Variants in DOCK1 observed in about 807,000 individuals in gnomAD.
DOCK1 encodes the protein dedicator of cytokinesis 1.
Under a neutral mutation model 262.7 loss-of-function variants are expected in DOCK1, and 138 were observed. That is an observed-to-expected ratio of 0.53 (90% CI 0.46 to 0.61). The LOEUF is 0.61. DOCK1 is among the 20% of genes least tolerant of loss of function. The pLI is 0.00. For synonymous variants in DOCK1, 866 were observed against 867.4 expected (o/e 1.00, Z 0.03); for missense variants, 1,908 against 2,370.7 (o/e 0.80, Z 4.05).
Position 127,403,223 on chromosome 10 carries a change from A to G in DOCK1, c.4017+79A>G, listed in dbSNP as rs191031663. The G allele has an allele frequency of 2.2e-5, 32 of 1,436,812 alleles. No homozygotes were observed. The African/African-American group carries it at 3.8e-4, about 17-fold the overall frequency. 89.0% of individuals were successfully genotyped at this position (1,436,812 alleles called of 1,614,324 possible). A position where few individuals can be genotyped will look rare whatever the true frequency, so the allele number is the denominator to read the frequency against. On this transcript the variant is annotated intron_variant, in intron 39 of 51. Coordinates refer to ENST00000623213, the MANE Select transcript of DOCK1 (RefSeq NM_001290223.2). ...TTCAGGAATCTCTCTTTCCATGTCA[A>G]TGTTAGGGTTCACCCCAGGCACTCT...
chr10:127,097,663 A>C (rs2047993671), intron 23 of DOCK1, among the ~76,000 whole-genome samples: 2 of 152,238 alleles, frequency 1.3e-5, no homozygotes, highest in South Asian at 4.1e-4. Flanking sequence ...AAGCTTTACC[A>C]AGTTGATAGA....
chr10:127,079,891 A>G (rs767384543), intron 23 of DOCK1, among the ~76,000 whole-genome samples: 9 of 152,210 alleles, frequency 5.9e-5, no homozygotes, highest in Non-Finnish European at 1.2e-4. Context: ...ACATTGCGCC[A>G]CTGCACTCCA....
At chr10:127,366,484 C>G (rs1212855767) in intron 33 of DOCK1, among the ~76,000 whole-genome samples, 1 of 152,144 alleles carries the variant, frequency 6.6e-6, no homozygotes, top group East Asian at 1.9e-4. Flanking sequence ...CATCAGTCCT[C>G]CCTCTGTCTC....
intron 27 of DOCK1, among the ~76,000 whole-genome samples, chr10:127,236,776 T>C (rs1425598728): frequency 1.3e-5 from 2 of 152,086 alleles, no homozygotes; most frequent in East Asian, 3.9e-4. Flanking sequence ...TGTTTTATTC[T>C]TCATCACCAT....
intron 29 of DOCK1, among the ~76,000 whole-genome samples, chr10:127,324,634 T>C (rs1025080799): frequency 2.6e-5 from 4 of 152,172 alleles, no homozygotes; most frequent in African/African-American, 9.7e-5. Flanking sequence ...TAAAAGATAC[T>C]GTGAGTTGGT....
rs2063704877 is a variant in DOCK1 at position 127,347,832 on chromosome 10, G to GCCTTCCCTTCCCTTCCATTCCCTTC, written c.3224+4102_3224+4103insATTCCCTTCCCTTCCCTTCCCTTCC. 8.7e-5 allele frequency among the ~76,000 whole-genome samples: 5 copies of GCCTTCCCTTCCCTTCCATTCCCTTC among 57,524 alleles called. 1 individual carries two copies. The highest frequency in any genetic ancestry group is 5.0e-4 in the African/African-American group (5 of 9,936). The allele number at this position is 57,524 out of a possible 152,430, so 37.7% of individuals were successfully genotyped here. On this transcript the variant is annotated intron_variant, in intron 31 of 51. Transcript: ENST00000623213. ...CTGAGGGAGCATCCCCAACCCCTCA[G>GCCTTCCCTTCCCTTCCATTCCCTTC]CCTTCCCTTCCCTTCCCTTCCCTTC...
chr10:127,049,396 C>T (rs542631885), intron 21 of DOCK1, among the ~76,000 whole-genome samples: 3 of 152,092 alleles, frequency 2.0e-5, no homozygotes, highest in Non-Finnish European at 2.9e-5. Context: ...TGGTGGGCAC[C>T]TGTAATCCCA....
intron 32 of DOCK1, among the ~76,000 whole-genome samples, chr10:127,361,528 G>A (rs1290028996): frequency 6.6e-6 from 1 of 152,142 alleles, no homozygotes; most frequent in Non-Finnish European, 1.5e-5. Context: ...TACTTTGATT[G>A]GAGTCGTTTG....
chr10:127,335,817 C>G (rs1353510423), intron 29 of DOCK1, among the ~76,000 whole-genome samples: 1 of 151,712 alleles, frequency 6.6e-6, no homozygotes, highest in Non-Finnish European at 1.5e-5. Flanking sequence ...CAGGTTCATG[C>G]CATTCTCCTG....
intron 23 of DOCK1, among the ~76,000 whole-genome samples, chr10:127,098,929 A>T (rs1425206586): frequency 2.6e-5 from 4 of 152,150 alleles, no homozygotes; most frequent in African/African-American, 9.7e-5. Context: ...CTGCAAGCAC[A>T]AGCAGAATCC....
chr10:127,380,169 A>G, intron 36 of DOCK1, 47 bp downstream of exon 36: 10 of 1,338,120 alleles, frequency 7.5e-6, no homozygotes, highest in Non-Finnish European at 1.0e-5. Flanking sequence ...AAATAATAAT[A>G]TATGTTGTAT....
intron 26 of DOCK1, among the ~76,000 whole-genome samples, chr10:127,126,813 T>C (rs995455194): frequency 6.6e-6 from 1 of 152,004 alleles, no homozygotes; most frequent in African/African-American, 2.4e-5. Flanking sequence ...ACCTTGAAAA[T>C]CCCTCCTAGT....
intron 1 of DOCK1, among the ~76,000 whole-genome samples, chr10:126,967,073 G>A (rs2037730287): frequency 1.3e-5 from 2 of 152,212 alleles, no homozygotes; most frequent in Middle Eastern, 3.4e-3. Context: ...TGAATGGGAC[G>A]CCATGAGCTT....
intron 23 of DOCK1, among the ~76,000 whole-genome samples, chr10:127,099,878 TCTAA>T (rs1376104260): frequency 6.6e-6 from 1 of 152,044 alleles, no homozygotes; most frequent in East Asian, 1.9e-4. Context: ...GGTACCAGAG[TCTAA>T]CTGTGTGTTT....
At chr10:127,148,866 A>C (rs2133421600) in intron 27 of DOCK1, among the ~76,000 whole-genome samples, 1 of 152,350 alleles carries the variant, frequency 6.6e-6, no homozygotes, top group Non-Finnish European at 1.5e-5. Context: ...GGTTTTAATT[A>C]GAGTAGCACA....
At chr10:127,130,744 G>A (rs557079692) in intron 27 of DOCK1, among the ~76,000 whole-genome samples, 2 of 152,284 alleles carry the variant, frequency 1.3e-5, no homozygotes, top group African/African-American at 4.8e-5. Flanking sequence ...GTGCCCTGCA[G>A]ACAGACAAGA....
chr10:127,099,590 G>A (rs2048113555), intron 23 of DOCK1, among the ~76,000 whole-genome samples: 2 of 152,106 alleles, frequency 1.3e-5, no homozygotes, highest in South Asian at 2.1e-4. Flanking sequence ...GCAAGAGAGG[G>A]AACAAGAGAG....
At chr10:127,409,434 G>A (rs1421281748) in intron 42 of DOCK1, 43 bp downstream of exon 42, 3 of 1,593,214 alleles carry the variant, frequency 1.9e-6, no homozygotes, top group Non-Finnish European at 2.6e-6. Context: ...GGTTGTAAGA[G>A]GCTGTGTACA....
intron 29 of DOCK1, among the ~76,000 whole-genome samples, chr10:127,330,409 A>G (rs1322942886): frequency 7.8e-6 from 1 of 128,336 alleles, no homozygotes; most frequent in Non-Finnish European, 1.5e-5. Flanking sequence ...GCTACATCAG[A>G]AAAAAAAAAA....
Sources: gnomAD v4.1 joint callset for allele counts (sites outside exome capture counted in the v4.1 genomes callset) on GRCh38, gnomAD v4.1.1 for gene constraint, MANE v1.5 for transcripts, NCBI Gene and HGNC (gene_info 2026-07-23, HGNC 2026-07-21) for gene names.